Variants in TTC21A observed in about 807,000 individuals in gnomAD.
The protein encoded by TTC21A is tetratricopeptide repeat protein 21A.
TTC21A carries 128 observed loss-of-function variants against 156.4 expected under a neutral mutation model. The ratio of observed to expected loss-of-function variants is 0.82; its 90% CI spans 0.71 to 0.95. The LOEUF (loss-of-function observed/expected upper bound fraction) is 0.95. TTC21A is among the 40% of genes least tolerant of loss of function. The pLI is 0.00. For missense variants in TTC21A, 1,435 were observed against 1,602.3 expected (o/e 0.90, Z 1.78); for synonymous variants, 587 against 617.1 (o/e 0.95, Z 0.72).
intron 6 of TTC21A, among the ~76,000 whole-genome samples, chr3:39,116,503 TCTTGCTTTGTTGC>T (rs1398097032): frequency 6.6e-6 from 1 of 151,374 alleles, no homozygotes; most frequent in Non-Finnish European, 1.5e-5. Flanking sequence ...GGGGGGAATG[TCTTGCTTTGTTGC>T]CTAGGCTGGA....
chr3:39,109,019 C>G, intron 1 of TTC21A, 66 bp from the exon 2 acceptor site: 1 of 1,563,464 alleles, frequency 6.4e-7, no homozygotes, highest in East Asian at 2.3e-5. Context: ...AGGTCTCATC[C>G]CATCTGGGAC....
In TTC21A at chr3:39,116,996, C is replaced by T. The variant is rs111320995; in HGVS notation, c.717-1073C>T. The stretch of plus-strand genomic sequence containing the variant: ...TGCTAGGATTACAGGTGTAAGCTAC[C>T]GTGTCTGGCCTGTTTTCTGACTCTT... On this transcript the variant is annotated intron_variant, in intron 6 of 28. Transcript: ENST00000683103. Among the ~76,000 whole-genome samples, 476 of 152,250 alleles carry T rather than the reference C, an allele frequency of 3.1e-3. 2 individuals are homozygous for T. The highest frequency in any genetic ancestry group is 0.011 in the African/African-American group (445 of 41,548).
At chr3:39,135,033 C>G in intron 21 of TTC21A, 60 bp from the exon 22 acceptor site, 3 of 1,481,802 alleles carry the variant, frequency 2.0e-6, no homozygotes, top group Non-Finnish European at 2.8e-6. Flanking sequence ...CCCGCCTCCC[C>G]CTACACCCAT....
intron 9 of TTC21A, among the ~76,000 whole-genome samples, chr3:39,124,773 G>A (rs1406379623): frequency 1.3e-5 from 2 of 151,868 alleles, no homozygotes; most frequent in Admixed American, 6.6e-5. Context: ...TATGTCTGAG[G>A]TGTCTATATA....
chr3:39,114,829 A>G (rs2037141085), intron 6 of TTC21A, 87 bp downstream of exon 6: 3 of 1,508,474 alleles, frequency 2.0e-6, no homozygotes, highest in Non-Finnish European at 9.1e-7. Flanking sequence ...CAAGACAGAA[A>G]GGTAAATATC....
chr3:39,109,287 T>TACAAGAAGGCATCCAG, intron 2 of TTC21A, 73 bp downstream of exon 2: 1 of 1,519,630 alleles, frequency 6.6e-7, no homozygotes, highest in Non-Finnish European at 9.0e-7. Context: ...TCCACCTGGA[T>TACAAGAAGGCATCCAG]GCCTTCTTGT....
At chr3:39,129,510 C>T (rs373689914) in intron 15 of TTC21A, among the ~76,000 whole-genome samples, 200 bp downstream of exon 15, 1 of 152,208 alleles carries the variant, frequency 6.6e-6, no homozygotes, top group African/African-American at 2.4e-5. Context: ...GATACAGAAT[C>T]GAATTGGCCC....
chr3:39,129,138 A>G lies in TTC21A; in HGVS notation c.1963A>G (p.Ile655Val), dbSNP rs754805006. 8.1e-6 allele frequency: 13 copies of G among 1,614,154 alleles called. No homozygotes were observed. The South Asian group carries it at 1.1e-4, about 14-fold the overall frequency. Residue 655 changes from isoleucine (I) to valine (V), a missense_variant, in exon 15 of 29, where the codon ATC becomes GTC. Transcript: ENST00000683103. ...EFGGTPEENR[I>V]TIANVDLVLS... Reference sequence around the variant, plus strand: ...CGGTGGCACACCAGAAGAGAACCGCATCACCATTGCCAACGTGGACTTGGT... The same window carrying G: ...CGGTGGCACACCAGAAGAGAACCGCGTCACCATTGCCAACGTGGACTTGGT...
Position 39,133,125 on chromosome 3 carries a change from A to G in TTC21A, c.2636A>G (p.Gln879Arg), listed in dbSNP as rs2038858332. The change falls in exon 20 of 29, where the codon CAA (glutamine) becomes CGA (arginine). Residue 879 changes from glutamine to arginine, a missense_variant. Transcript: ENST00000683103. Reference protein sequence around the residue: ...EQPEMIPSQKQLAASICIQFA... With the variant: ...EQPEMIPSQKRLAASICIQFA... ...CCAGAAATGATTCCCTCCCAGAAGC[A>G]ACTGGCAGCCTCTATCTGCATCCAA... is the stretch of plus-strand genomic sequence containing the variant. The G allele has an allele frequency of 6.2e-7, 1 of 1,614,130 alleles. No individual in the cohort carries two copies.
Position 39,107,740 on chromosome 3 carries a change from C to G in TTC21A, c.-98C>G. 1 of 1,566,884 alleles carries G rather than the reference C, an allele frequency of 6.4e-7. No homozygotes were observed. The highest frequency in any genetic ancestry group is 1.7e-5 in the Admixed American group (1 of 59,790). On this transcript the variant is annotated 5_prime_UTR_variant, in exon 1 of 29. Coordinates refer to ENST00000683103, the MANE Select transcript of TTC21A (RefSeq NM_001366900.1). ...CGGTTTCCAAGGACTGTAACGCCTT[C>G]AACCGCCCGCCGCGATAGAGTGCCC...
At chr3:39,115,362 ATTATCTC>A (rs1280914186) in intron 6 of TTC21A, among the ~76,000 whole-genome samples, 1 of 149,302 alleles carries the variant, frequency 6.7e-6, no homozygotes, top group Non-Finnish European at 1.5e-5. Context: ...AAAAAAAAAA[ATTATCTC>A]TTTAAACTCT....
rs1458511432 is a variant in TTC21A, at chr3:39,130,699, A to G, written c.2320-2A>G. The G allele has an allele frequency of 2.5e-6, 4 of 1,614,080 alleles. No individual in the cohort carries two copies. The highest frequency in any genetic ancestry group is 3.4e-6 in the Non-Finnish European group (4 of 1,180,020). ...AGGCTAATATTTACTGTTTGCACTA[A>G]GGCAATTGAGTATTATGAGGCTGCC... On this transcript the variant is annotated splice_acceptor_variant, in intron 17 of 28. Coordinates refer to ENST00000683103, the MANE Select transcript of TTC21A (RefSeq NM_001366900.1). LOFTEE classifies it high-confidence loss of function. The surrounding 1 kb of genome is among the most constrained non-coding windows in gnomAD (Gnocchi z 4.5).
chr3:39,124,760 A>T (rs909805519), intron 9 of TTC21A, among the ~76,000 whole-genome samples: 20 of 151,588 alleles, frequency 1.3e-4, no homozygotes, highest in African/African-American at 4.6e-4. Flanking sequence ...ATGTGTACAT[A>T]TATATGTCTG....
intron 9 of TTC21A, among the ~76,000 whole-genome samples, chr3:39,122,229 T>C (rs996104968): frequency 2.6e-5 from 4 of 151,832 alleles, no homozygotes; most frequent in Non-Finnish European, 5.9e-5. Flanking sequence ...GAGAATCACT[T>C]GAACCCGGGA....
intron 14 of TTC21A, 32 bp downstream of exon 14, chr3:39,128,964 C>T (rs1288539270): frequency 6.2e-6 from 10 of 1,611,420 alleles, no homozygotes; most frequent in African/African-American, 2.7e-5. Context: ...TCCCTGGGGA[C>T]TGGGGCACAC....
chr3:39,118,591 C>T (rs2037484988), intron 7 of TTC21A: 1 of 172,530 alleles, frequency 5.8e-6, no homozygotes, highest in Admixed American at 5.6e-5. Context: ...TCAGGAAATG[C>T]CTTTTTTTTA....
intron 26 of TTC21A, chr3:39,137,925 T>C (rs2039259381): frequency 3.2e-6 from 2 of 625,250 alleles, no homozygotes; most frequent in Non-Finnish European, 2.8e-6. Flanking sequence ...GGTCGTGTTA[T>C]GTCCAGAGGA....
chr3:39,117,794 G>A (rs1357184223), intron 6 of TTC21A, among the ~76,000 whole-genome samples: 2 of 152,158 alleles, frequency 1.3e-5, no homozygotes, highest in Non-Finnish European at 2.9e-5. Context: ...GGGGGAAAGG[G>A]AAGGCATGCT....
At position 39,130,184 on chromosome 3, in the gene TTC21A, G is replaced by GT. The variant is rs2038613958; in HGVS notation, c.2208+33_2208+34insT. On this transcript the variant is annotated intron_variant, in intron 16 of 28. Transcript: ENST00000683103. This position sits in a 1 kb window ranked among gnomAD's most constrained non-coding sequence, Gnocchi z 4.5. ...AGAGGCCTCACAGCCTTGCCAAGTG[G>GT]CCCCCCAGTCTCCCTTCTCCAGTGG... 1 of 1,612,450 alleles carries GT rather than the reference G, an allele frequency of 6.2e-7. No homozygotes were observed. The highest frequency in any genetic ancestry group is 1.3e-5 in the African/African-American group (1 of 74,880).
Sources: allele counts gnomAD v4.1 joint callset (sites outside exome capture counted in the v4.1 genomes callset), GRCh38; gene constraint gnomAD v4.1.1; non-coding constraint Gnocchi (gnomAD v3.1); transcripts MANE v1.5; gene names NCBI Gene and HGNC (gene_info 2026-07-23, HGNC 2026-07-21).